Variants in TDRP observed in about 807,000 individuals in gnomAD.
The protein encoded by TDRP is testis development-related protein.
A neutral mutation model predicts 10.5 loss-of-function variants in TDRP; 12 were observed. The ratio of observed to expected loss-of-function variants is 1.15; its 90% CI spans 0.73 to 1.86. TDRP has a LOEUF of 1.86. Among genes scored for constraint, TDRP ranks in the 40% most tolerant of loss-of-function variants. TDRP has a pLI of 0.00. For missense variants in TDRP, 353 were observed against 229.2 expected (o/e 1.54, Z -3.49); for synonymous variants, 139 against 95.4 (o/e 1.46, Z -2.67).
chr8:505,903 C>A (rs376710044), intron 1 of TDRP, among the ~76,000 whole-genome samples: 6 of 152,136 alleles, frequency 3.9e-5, no homozygotes, highest in African/African-American at 1.4e-4. Context: ...AAAGTCGGCA[C>A]GTAGATATCA....
At chr8:506,136 A>C (rs1391174437) in intron 1 of TDRP, among the ~76,000 whole-genome samples, 1 of 152,202 alleles carries the variant, frequency 6.6e-6, no homozygotes, top group Non-Finnish European at 1.5e-5. Flanking sequence ...AATACTCCAG[A>C]TTTCCCTGTT....
At chr8:543,989 T>C (rs1386576656) in intron 1 of TDRP, among the ~76,000 whole-genome samples, 1 of 151,950 alleles carries the variant, frequency 6.6e-6, no homozygotes, top group East Asian at 1.9e-4. Flanking sequence ...TGGGAGCCCT[T>C]TCAATTACAA....
rs565322113 is a variant in TDRP at position 493,202 on chromosome 8, T to C, written c.213-458A>G. Among the ~76,000 whole-genome samples the C allele has an allele frequency of 1.0e-3, 157 of 152,292 alleles. 1 individual carries two copies. The highest frequency in any genetic ancestry group is 3.5e-3 in the African/African-American group (145 of 41,556). On this transcript the variant is annotated intron_variant, in intron 2 of 2. Coordinates refer to ENST00000324079, the MANE Select transcript of TDRP (RefSeq NM_001384899.1). ...GTAATTTACTCAACAAAAATAAGAA[T>C]TCAGAACACCATCTACTATAAAAAG...
chr8:523,948 C>G (rs915829679), intron 1 of TDRP, among the ~76,000 whole-genome samples: 1 of 152,122 alleles, frequency 6.6e-6, no homozygotes, highest in South Asian at 2.1e-4. Flanking sequence ...GGGCCTTTAG[C>G]GAACAAAAGT....
intron 1 of TDRP, among the ~76,000 whole-genome samples, chr8:524,206 C>A (rs1442194723): frequency 6.6e-6 from 1 of 152,200 alleles, no homozygotes; most frequent in Non-Finnish European, 1.5e-5. Context: ...GTTGGTATGT[C>A]TACAGGTCTG....
At chr8:514,887 G>T (rs1229421422) in intron 1 of TDRP, among the ~76,000 whole-genome samples, 4 of 152,172 alleles carry the variant, frequency 2.6e-5, no homozygotes, top group African/African-American at 7.2e-5. Flanking sequence ...CTTTCACGGG[G>T]AGGGCTACTT....
chr8:510,358 A>G (rs923391681), intron 1 of TDRP, among the ~76,000 whole-genome samples: 5 of 152,104 alleles, frequency 3.3e-5, no homozygotes, highest in African/African-American at 4.8e-5. Context: ...GCATAAGAGG[A>G]CACTCTTCTC....
intron 1 of TDRP, among the ~76,000 whole-genome samples, chr8:517,802 G>T (rs139741094): frequency 1.2e-4 from 18 of 152,302 alleles, no homozygotes; most frequent in African/African-American, 4.1e-4. Flanking sequence ...ATATTTTACA[G>T]AGTTTGGATT....
At chr8:541,939 C>T (rs539610231) in intron 1 of TDRP, among the ~76,000 whole-genome samples, 2 of 152,274 alleles carry the variant, frequency 1.3e-5, no homozygotes, top group Non-Finnish European at 2.9e-5. Context: ...CACACAAAAA[C>T]CTGCACCTGA....
rs553693003 is a variant in TDRP, at chr8:490,986, A to G, written c.*1413T>C. ...TACGGATGATTGATAGGTATAAGTG[A>G]TTGACACAGATTATAGATTTAGCTA... On this transcript the variant is annotated 3_prime_UTR_variant, in exon 3 of 3. Coordinates refer to ENST00000324079, the MANE Select transcript of TDRP (RefSeq NM_001384899.1). The G allele has an allele frequency of 2.0e-5, 3 of 152,280 alleles. No homozygotes were observed. Among genetic ancestry groups the G allele is most frequent in the Non-Finnish European group, 4.4e-5 (3 of 68,068 alleles). The allele number at this position is 152,280 out of a possible 1,614,324, so 9.4% of individuals were successfully genotyped here. A position where few individuals can be genotyped will look rare whatever the true frequency, so the allele number is the denominator to read the frequency against.
intron 1 of TDRP, among the ~76,000 whole-genome samples, chr8:540,396 C>T (rs17813535): frequency 6.6e-6 from 1 of 152,104 alleles, no homozygotes; most frequent in Non-Finnish European, 1.5e-5. Flanking sequence ...GAACACACAC[C>T]TATGTATCTG....
chr8:526,145 T>G (rs148419682), intron 1 of TDRP, among the ~76,000 whole-genome samples: 1 of 152,182 alleles, frequency 6.6e-6, no homozygotes, highest in South Asian at 2.1e-4. Context: ...GCAGTATTTG[T>G]TGTAGCCATG....
chr8:504,876 C>A (rs934310712), intron 1 of TDRP, among the ~76,000 whole-genome samples: 1 of 152,128 alleles, frequency 6.6e-6, no homozygotes, highest in Admixed American at 6.5e-5. Context: ...CCATGAGAGG[C>A]ATTATTAATC....
In TDRP at chr8:491,652, T is replaced by A. The variant is rs1323082915; in HGVS notation, c.*747A>T. On this transcript the variant is annotated 3_prime_UTR_variant, in exon 3 of 3. Transcript: ENST00000324079. Reference sequence around the variant, plus strand: ...AATGAAATTATCAACTGACTAAAATTGATCCATACTTCTTTAATCTGTAAA... The same window carrying A: ...AATGAAATTATCAACTGACTAAAATAGATCCATACTTCTTTAATCTGTAAA... 1 of 1,530,800 alleles carries A rather than the reference T, an allele frequency of 6.5e-7. No individual in the cohort carries two copies. 94.8% of individuals were successfully genotyped at this position (1,530,800 alleles called of 1,614,324 possible).
At chr8:532,683 C>A (rs1401388323) in intron 1 of TDRP, among the ~76,000 whole-genome samples, 1 of 152,204 alleles carries the variant, frequency 6.6e-6, no homozygotes, top group Non-Finnish European at 1.5e-5. Context: ...ATTAAGACTT[C>A]CTATTTTTAC....
Position 544,800 on chromosome 8 carries a change from G to A in TDRP, c.-43C>T, listed in dbSNP as rs1334690634. 4.1e-6 allele frequency: 5 copies of A among 1,208,712 alleles called. No homozygotes were observed. The highest frequency in any genetic ancestry group is 4.3e-5 in the Admixed American group (1 of 23,366). The allele number at this position is 1,208,712 out of a possible 1,614,324, so 74.9% of individuals were successfully genotyped here. A position where few individuals can be genotyped will look rare whatever the true frequency, so the allele number is the denominator to read the frequency against. On this transcript the variant is annotated 5_prime_UTR_variant, in exon 1 of 3. Transcript: ENST00000324079. ...CGTCCCTCCGTCCGTGCGTCGGGCT[G>A]TGGCTCCGCGTCCCTCCCGGCCGCC... is the stretch of plus-strand genomic sequence containing the variant.
At chr8:527,698 T>C (rs907088778) in intron 1 of TDRP, among the ~76,000 whole-genome samples, 3 of 152,078 alleles carry the variant, frequency 2.0e-5, no homozygotes, top group Non-Finnish European at 2.9e-5. Context: ...AAACTGGATA[T>C]CCACATGCAG....
chr8:514,135 A>C (rs1801690900), intron 1 of TDRP, among the ~76,000 whole-genome samples: 1 of 152,214 alleles, frequency 6.6e-6, no homozygotes, highest in African/African-American at 2.4e-5. Flanking sequence ...TCAAGCCAAA[A>C]TAATCTTGAA....
At chr8:532,547 G>T (rs1177615119) in intron 1 of TDRP, among the ~76,000 whole-genome samples, 1 of 152,142 alleles carries the variant, frequency 6.6e-6, no homozygotes, top group Non-Finnish European at 1.5e-5. Context: ...CATAGGATAA[G>T]GACCAAATAA....
Sources: allele counts gnomAD v4.1 joint callset (sites outside exome capture counted in the v4.1 genomes callset), GRCh38; gene constraint gnomAD v4.1.1; transcripts MANE v1.5; gene names NCBI Gene and HGNC (gene_info 2026-07-23, HGNC 2026-07-21).